ITGB3: variants seen among roughly 807,000 people sequenced by gnomAD.
ITGB3 encodes integrin subunit beta 3, also known as integrin beta-3.
ITGB3 carries 48 observed loss-of-function variants against 85.8 expected under a neutral mutation model. The observed-to-expected ratio is 0.56, with a 90% CI of 0.44 to 0.71. ITGB3 has a LOEUF of 0.71. Ranked by LOEUF, ITGB3 falls within the 30% of genes least tolerant of loss-of-function variation. The probability of loss-of-function intolerance (pLI) is 0.00; values close to 1 mark genes in which losing one functional copy is unlikely to be tolerated. For synonymous variants in ITGB3, 363 were observed against 395.6 expected, an observed-to-expected ratio of 0.92 and a Z score of 0.98; for missense variants, 861 against 1,019.1, an observed-to-expected ratio of 0.84 and a Z score of 2.11.
Position 47,310,171 on chromosome 17 carries a change from T to C in ITGB3, c.2334T>C (p.Ser778=). The C allele has an allele frequency of 6.2e-7, 1 of 1,614,108 alleles. No homozygotes were observed. Among genetic ancestry groups the C allele is most frequent in the Non-Finnish European group, 8.5e-7 (1 of 1,179,990 alleles). The change falls in exon 15 of 15, where the codon TCT becomes TCC. Residue 778 remains serine (S), a synonymous_variant. Coordinates refer to ENST00000559488, the MANE Select transcript of ITGB3 (RefSeq NM_000212.3). The part of the protein sequence containing the change: ...ANNPLYKEAT[S]TFTNITYRGT The stretch of plus-strand genomic sequence containing the variant: ...ACCCACTGTATAAAGAGGCCACGTC[T>C]ACCTTCACCAATATCACGTACCGGG...
intron 12 of ITGB3, among the ~76,000 whole-genome samples, chr17:47,300,997 T>C (rs1746203245): frequency 1.3e-5 from 2 of 152,244 alleles, no homozygotes; most frequent in Non-Finnish European, 2.9e-5. Context: ...AAAAGTGTTA[T>C]GCAGTGCCCA....
chr17:47,292,704 A>G (rs1341697547), intron 10 of ITGB3, 136 bp downstream of exon 10: 2 of 853,208 alleles, frequency 2.3e-6, no homozygotes, highest in Non-Finnish European at 3.6e-6. Context: ...AATCTTTTTG[A>G]GTATAAGGAC....
intron 1 of ITGB3, among the ~76,000 whole-genome samples, chr17:47,258,497 G>T (rs1242200434): frequency 6.6e-6 from 1 of 150,388 alleles, no homozygotes; most frequent in Non-Finnish European, 1.5e-5. Flanking sequence ...ACCCTTTTTA[G>T]TGCATACAGT....
chr17:47,292,064 A>C, intron 9 of ITGB3, 75 bp from the exon 10 acceptor site: 1 of 1,505,740 alleles, frequency 6.6e-7, no homozygotes, highest in Non-Finnish European at 9.2e-7. Context: ...GCAGGGAACA[A>C]CTTTTTTTTT....
chr17:47,290,582 G>A lies in ITGB3; in HGVS notation c.1125+308G>A, dbSNP rs543747822. 2.0e-5 allele frequency among the ~76,000 whole-genome samples: 3 copies of A among 152,324 alleles called. No individual in the cohort carries two copies. In the South Asian group the frequency reaches 6.2e-4, roughly 32 times the overall value. ...GGGAAAACTGGGCTCCAATAACAGGGAAAAGAGAGAGCTGAGACATGGGGA... is the reference window on the plus strand; with the variant it reads ...GGGAAAACTGGGCTCCAATAACAGGAAAAAGAGAGAGCTGAGACATGGGGA... On this transcript the variant is annotated intron_variant, in intron 8 of 14. Transcript: ENST00000559488.
At chr17:47,261,085 C>A (rs1307969537) in intron 1 of ITGB3, among the ~76,000 whole-genome samples, 3 of 152,146 alleles carry the variant, frequency 2.0e-5, no homozygotes, top group Non-Finnish European at 2.9e-5. Flanking sequence ...TCTTGTCTAA[C>A]TGAAAATTTA....
At chr17:47,254,892 G>A (rs902622233) in intron 1 of ITGB3, among the ~76,000 whole-genome samples, 1 of 152,218 alleles carries the variant, frequency 6.6e-6, no homozygotes, top group Admixed American at 6.5e-5. Context: ...AAGAGTGCAT[G>A]TAAGTATTTT....
intron 9 of ITGB3, 51 bp from the exon 10 acceptor site, chr17:47,292,088 A>G: frequency 3.2e-6 from 5 of 1,582,878 alleles, no homozygotes; most frequent in Non-Finnish European, 4.3e-6. Flanking sequence ...CCAGAGCTGG[A>G]GTGTTAACTG....
Position 47,307,458 on chromosome 17 carries a change from T to C in ITGB3, c.2135-13T>C. ...CATTCACAACCGCCCTGCTCTGTGC[T>C]TCTTCCTCACAGAGTGTCCCAAGGG... On this transcript the variant is annotated splice_polypyrimidine_tract_variant and intron_variant, in intron 13 of 14. Transcript: ENST00000559488. 3 of 1,613,652 alleles carry C rather than the reference T, an allele frequency of 1.9e-6. No individual in the cohort carries two copies. Among genetic ancestry groups the C allele is most frequent in the Non-Finnish European group, 2.5e-6 (3 of 1,179,946 alleles).
intron 10 of ITGB3, among the ~76,000 whole-genome samples, chr17:47,293,210 G>A (rs1394580616): frequency 6.6e-6 from 1 of 152,154 alleles, no homozygotes; most frequent in Non-Finnish European, 1.5e-5. Flanking sequence ...ACAGATTGGG[G>A]ATTATAATTT....
In ITGB3 at chr17:47,254,389, T is replaced by TGC. The variant is rs538080817; in HGVS notation, c.79+459_79+460dup. Among the ~76,000 whole-genome samples, 91 of 152,272 alleles carry TGC rather than the reference T, an allele frequency of 6.0e-4. 1 individual carries two copies. Among genetic ancestry groups the TGC allele is most frequent in the African/African-American group, 2.0e-3 (85 of 41,558 alleles). On this transcript the variant is annotated intron_variant, in intron 1 of 14. Coordinates refer to ENST00000559488, the MANE Select transcript of ITGB3 (RefSeq NM_000212.3). ...CGCTGTAGCTTCCTGGGTGAGAGCG[T>TGC]GCGCGCGCGCGGGTTTGCCAGTTTC... is the stretch of plus-strand genomic sequence containing the variant.
chr17:47,303,144 G>A (rs2065173725), intron 13 of ITGB3, among the ~76,000 whole-genome samples: 1 of 152,066 alleles, frequency 6.6e-6, no homozygotes, highest in Admixed American at 6.5e-5. Context: ...CAGCTCCTTG[G>A]GAGGCTGAGG....
chr17:47,295,460 C>T (rs1022568212), intron 10 of ITGB3, among the ~76,000 whole-genome samples: 3 of 152,140 alleles, frequency 2.0e-5, no homozygotes, highest in Admixed American at 6.5e-5. Context: ...CCGATGAACC[C>T]GGACTCAGCC....
chr17:47,277,884 G>A (rs938152784), intron 2 of ITGB3, among the ~76,000 whole-genome samples: 6 of 152,172 alleles, frequency 3.9e-5, no homozygotes, highest in Admixed American at 6.5e-5. Flanking sequence ...TATAGGCCAT[G>A]ATTTACATTT....
intron 1 of ITGB3, among the ~76,000 whole-genome samples, chr17:47,256,480 C>CT (rs1229449910): frequency 2.0e-5 from 3 of 151,656 alleles, no homozygotes; most frequent in Non-Finnish European, 2.9e-5. Flanking sequence ...AATACCCCCC[C>CT]CCCCAACCTC....
chr17:47,300,165 T>C (rs1210038287), intron 11 of ITGB3, among the ~76,000 whole-genome samples: 2 of 152,180 alleles, frequency 1.3e-5, no homozygotes, highest in Non-Finnish European at 2.9e-5. Flanking sequence ...ACTTTATAGT[T>C]CTCAGAAATG....
At chr17:47,293,458 T>A (rs2065134861) in intron 10 of ITGB3, among the ~76,000 whole-genome samples, 1 of 152,108 alleles carries the variant, frequency 6.6e-6, no homozygotes, top group African/African-American at 2.4e-5. Context: ...AGGATGGGTT[T>A]TTACTGGGCC....
intron 13 of ITGB3, among the ~76,000 whole-genome samples, chr17:47,303,205 G>A (rs187357556): frequency 1.8e-4 from 27 of 152,088 alleles, no homozygotes; most frequent in South Asian, 4.2e-4. Context: ...AGCTGAGATC[G>A]CGCCACTGCA....
Position 47,312,390 on chromosome 17 carries a change from T to C in ITGB3, c.*2186T>C, listed in dbSNP as rs994959847. ...CTTACTGTAGGGAATGGCAGTATGGTAGAGGGATAAATAGGGGGCGGGGAG... is the reference window on the plus strand; with the variant it reads ...CTTACTGTAGGGAATGGCAGTATGGCAGAGGGATAAATAGGGGGCGGGGAG... On this transcript the variant is annotated 3_prime_UTR_variant, in exon 15 of 15. Coordinates refer to ENST00000559488, the MANE Select transcript of ITGB3 (RefSeq NM_000212.3). 2.0e-5 allele frequency among the ~76,000 whole-genome samples: 3 copies of C among 151,982 alleles called. No individual in the cohort carries two copies. The highest frequency in any genetic ancestry group is 4.8e-5 in the African/African-American group (2 of 41,376).
Sources: allele counts gnomAD v4.1 joint callset (sites outside exome capture counted in the v4.1 genomes callset), GRCh38; gene constraint gnomAD v4.1.1; transcripts MANE v1.5; gene names NCBI Gene and HGNC (gene_info 2026-07-23, HGNC 2026-07-21).